Variants in RBFOX1 observed in about 807,000 individuals in gnomAD.
The protein encoded by RBFOX1 is RNA binding fox-1 homolog 1, also known as RNA binding protein fox-1 homolog 1.
RBFOX1 carries 8 observed loss-of-function variants against 57.7 expected under a neutral mutation model. That is an observed-to-expected ratio of 0.14 (90% CI 0.08 to 0.25). The LOEUF is 0.25. RBFOX1 is among the 10% of genes least tolerant of loss of function. The pLI is 1.00. For synonymous variants in RBFOX1, 326 were observed against 222.4 expected (o/e 1.47, Z -4.15); for missense variants, 611 against 548.5 (o/e 1.11, Z -1.14).
At chr16:7,286,943 T>C (rs1212906957) in intron 4 of RBFOX1, among the ~76,000 whole-genome samples, 1 of 152,042 alleles carries the variant, frequency 6.6e-6, no homozygotes. Flanking sequence ...GCTTCAAACT[T>C]TAAAGAAGAT....
At chr16:6,557,025 A>G (rs1567671783) in intron 2 of RBFOX1, among the ~76,000 whole-genome samples, 1 of 135,832 alleles carries the variant, frequency 7.4e-6, no homozygotes. Flanking sequence ...ACATATATAT[A>G]CATATATACA....
At chr16:6,963,855 C>A (rs573481282) in intron 3 of RBFOX1, among the ~76,000 whole-genome samples, 2 of 151,442 alleles carry the variant, frequency 1.3e-5, no homozygotes, top group South Asian at 2.1e-4. Context: ...CACACCACCA[C>A]GCCTGGCTAA....
chr16:6,157,226 A>T (rs989664319), intron 1 of RBFOX1, among the ~76,000 whole-genome samples: 4 of 152,110 alleles, frequency 2.6e-5, no homozygotes, highest in African/African-American at 9.7e-5. Context: ...AATAAAAGAG[A>T]CATAAATGTA....
chr16:7,560,247 G>T (rs538215069), intron 5 of RBFOX1, among the ~76,000 whole-genome samples: 159 of 152,310 alleles, frequency 1.0e-3, no homozygotes, highest in Non-Finnish European at 1.9e-3. Context: ...AACCCCCTAT[G>T]GGGGGTGGAC....
intron 4 of RBFOX1, among the ~76,000 whole-genome samples, chr16:7,161,330 G>A (rs990047778): frequency 5.9e-5 from 9 of 151,792 alleles, no homozygotes; most frequent in Non-Finnish European, 1.0e-4. Context: ...TTAAATGAAT[G>A]TTCTTTATGC....
At chr16:5,280,462 G>T (rs780817940) in intron 1 of RBFOX1, among the ~76,000 whole-genome samples, 60 of 152,212 alleles carry the variant, frequency 3.9e-4, no homozygotes, top group Non-Finnish European at 7.2e-4. Flanking sequence ...AATGAGTTAG[G>T]AAGAATTCCC....
downstream of RBFOX1, among the ~76,000 whole-genome samples, chr16:5,602,641 G>T (rs1458267552): frequency 6.6e-6 from 1 of 152,150 alleles, no homozygotes; most frequent in Admixed American, 6.5e-5. Flanking sequence ...CAGATGGAAA[G>T]TTCAACTAAA....
At chr16:7,709,501 G>T (rs1167292605) in intron 15 of RBFOX1, 10 of 1,513,254 alleles carry the variant, frequency 6.6e-6, no homozygotes, top group Non-Finnish European at 8.8e-6. Flanking sequence ...TAGCCCCAAG[G>T]TTCCAGCCCC....
At position 5,429,274 on chromosome 16, in the gene RBFOX1, G is replaced by C. The variant is rs559161301; in HGVS notation, c.220-37942G>C. On this transcript the variant is annotated intron_variant, in intron 1 of 2. Coordinates refer to the RBFOX1 transcript ENST00000585867. ...GTGGGGCAGGTATTCAGCTCTCTGG[G>C]ACTGCTGGCCCTCTGAGAGTCCAGG... Among the ~76,000 whole-genome samples, 89 of 152,306 alleles carry C rather than the reference G, an allele frequency of 5.8e-4. No individual in the cohort carries two copies. In the South Asian group the frequency reaches 8.5e-3, roughly 15 times the overall value.
At chr16:7,488,407 C>T (rs1247242439) in intron 4 of RBFOX1, among the ~76,000 whole-genome samples, 1 of 150,052 alleles carries the variant, frequency 6.7e-6, no homozygotes, top group African/African-American at 2.4e-5. Flanking sequence ...CTATATCTAT[C>T]TACTGTCTGC....
chr16:7,202,860 G>C (rs144216384), intron 4 of RBFOX1, among the ~76,000 whole-genome samples: 197 of 152,298 alleles, frequency 1.3e-3, no homozygotes, highest in African/African-American at 4.5e-3. Flanking sequence ...TGCCAAAAAG[G>C]TTGGGGTCTG....
intron 3 of RBFOX1, among the ~76,000 whole-genome samples, chr16:5,634,973 G>T (rs1487181457): frequency 6.6e-6 from 1 of 152,144 alleles, no homozygotes; most frequent in Non-Finnish European, 1.5e-5. Flanking sequence ...GTGTACAGGG[G>T]AGGAGAGTCA....
intron 2 of RBFOX1, among the ~76,000 whole-genome samples, chr16:5,570,205 A>G (rs1327380271): frequency 6.6e-6 from 1 of 152,116 alleles, no homozygotes; most frequent in Non-Finnish European, 1.5e-5. Context: ...TCTAACTCAA[A>G]GTACATACAG....
At chr16:6,594,487 C>A (rs1322655348) in intron 2 of RBFOX1, among the ~76,000 whole-genome samples, 2 of 152,050 alleles carry the variant, frequency 1.3e-5, no homozygotes, top group African/African-American at 2.4e-5. Flanking sequence ...AAGAGGCTGC[C>A]CAGCTCTCAC....
At chr16:7,265,369 G>C (rs1045634244) in intron 4 of RBFOX1, among the ~76,000 whole-genome samples, 7 of 152,028 alleles carry the variant, frequency 4.6e-5, no homozygotes, top group African/African-American at 1.4e-4. Context: ...AAAGAAGTGG[G>C]TGTGGAGGGA....
chr16:6,710,420 A>G (rs938168681), intron 3 of RBFOX1, among the ~76,000 whole-genome samples: 5 of 152,190 alleles, frequency 3.3e-5, no homozygotes. Context: ...TATAAAAGAT[A>G]TTTTACATTC....
chr16:7,590,555 C>T (rs2152918465), intron 7 of RBFOX1, among the ~76,000 whole-genome samples: 1 of 152,114 alleles, frequency 6.6e-6, no homozygotes, highest in South Asian at 2.1e-4. Flanking sequence ...TAGCTACTCC[C>T]TACGTATATA....
chr16:6,804,129 A>G (rs1467827392), intron 3 of RBFOX1, among the ~76,000 whole-genome samples: 1 of 151,852 alleles, frequency 6.6e-6, no homozygotes, highest in Non-Finnish European at 1.5e-5. Context: ...TGCCTCAGGC[A>G]TCCAAGTAGC....
At chr16:6,190,954 G>C (rs2152808949) in intron 1 of RBFOX1, among the ~76,000 whole-genome samples, 1 of 152,160 alleles carries the variant, frequency 6.6e-6, no homozygotes, top group South Asian at 2.1e-4. Flanking sequence ...CAAAACTTGA[G>C]GCCGGCAGTC....
Sources: gnomAD v4.1 joint callset for allele counts (sites outside exome capture counted in the v4.1 genomes callset) on GRCh38, gnomAD v4.1.1 for gene constraint, MANE v1.5 for transcripts, NCBI Gene and HGNC (gene_info 2026-07-23, HGNC 2026-07-21) for gene names.